Variants in ZGPAT observed in about 807,000 individuals in gnomAD.
The protein encoded by ZGPAT is zinc finger CCCH-type and G-patch domain containing.
A neutral mutation model predicts 47.9 loss-of-function variants in ZGPAT; 39 were observed. That is an observed-to-expected ratio of 0.81 (90% CI 0.63 to 1.06). The LOEUF is 1.06. Ranked by LOEUF, ZGPAT falls within the 50% of genes least tolerant of loss-of-function variation. The pLI, the probability that ZGPAT is intolerant of heterozygous loss-of-function variation, is 0.00. For missense variants in ZGPAT, 717 were observed against 681.4 expected, an observed-to-expected ratio of 1.05 and a Z score of -0.58; for synonymous variants, 348 against 292.9, an observed-to-expected ratio of 1.19 and a Z score of -1.92.
Position 63,709,305 on chromosome 20 carries a change from G to A in ZGPAT, c.584+141G>A, listed in dbSNP as rs960562861. ...GGCGTGCTTTGACAGCTGTGTCTGT[G>A]TTCAGGCGTCTACGTCTTCCTTCTG... On this transcript the variant is annotated intron_variant, in intron 2 of 6. Coordinates refer to ENST00000355969, the MANE Select transcript of ZGPAT (RefSeq NM_181485.3). 23 of 917,608 alleles carry A rather than the reference G, an allele frequency of 2.5e-5. No individual in the cohort carries two copies. In the African/African-American group the frequency reaches 3.4e-4, roughly 14 times the overall value. 56.8% of individuals were successfully genotyped at this position (917,608 alleles called of 1,614,324 possible).
chr20:63,726,608 C>T (rs967767017), intron 2 of ZGPAT, among the ~76,000 whole-genome samples: 5 of 152,040 alleles, frequency 3.3e-5, no homozygotes, highest in South Asian at 2.1e-4. Context: ...CTGCAACCTC[C>T]GCCTCCCAGG....
At chr20:63,733,048 ATGTGTGCG>A (rs1568801036) in intron 2 of ZGPAT, among the ~76,000 whole-genome samples, 163 bp from the exon 3 acceptor site, 3 of 150,290 alleles carry the variant, frequency 2.0e-5, no homozygotes, top group African/African-American at 7.4e-5. Flanking sequence ...GTGTGTGTGT[ATGTGTGCG>A]TGTGTATGTG....
Position 63,735,147 on chromosome 20 carries a change from G to C in ZGPAT, c.992-12G>C. ...CCGCAGCCACAGCACTGCCATCCCC[G>C]TGCCTCCGCAGGTTTGGGCCGACAC... On this transcript the variant is annotated splice_polypyrimidine_tract_variant and intron_variant, in intron 5 of 6. Coordinates refer to ENST00000355969, the MANE Select transcript of ZGPAT (RefSeq NM_181485.3). 6.7e-7 allele frequency: 1 copy of C among 1,503,512 alleles called. No individual in the cohort carries two copies. Among genetic ancestry groups the C allele is most frequent in the Non-Finnish European group, 8.9e-7 (1 of 1,127,370 alleles). 93.1% of individuals were successfully genotyped at this position (1,503,512 alleles called of 1,614,324 possible). A position where few individuals can be genotyped will look rare whatever the true frequency, so the allele number is the denominator to read the frequency against.
chr20:63,729,198 T>C (rs1262053231), intron 2 of ZGPAT, among the ~76,000 whole-genome samples: 1 of 152,056 alleles, frequency 6.6e-6, no homozygotes, highest in Non-Finnish European at 1.5e-5. Context: ...ACCGGCTCAT[T>C]TTTAAATTTT....
At chr20:63,735,020 A>G (rs1195890805) in intron 5 of ZGPAT, 139 bp from the exon 6 acceptor site, 15 of 1,276,724 alleles carry the variant, frequency 1.2e-5, no homozygotes, top group African/African-American at 1.6e-5. Flanking sequence ...TCAGATTCCC[A>G]GGGTCCTACG....
Position 63,714,056 on chromosome 20 carries a change from C to T in ZGPAT, c.584+4892C>T, listed in dbSNP as rs1040135124. On this transcript the variant is annotated intron_variant, in intron 2 of 6. Transcript: ENST00000355969. ...ATAGAGATAATTGTAGTCTTTGTTT[C>T]TAGTTTGCATGGCATTTATTTCTTT... Among the ~76,000 whole-genome samples the T allele has an allele frequency of 2.0e-5, 3 of 151,968 alleles. No individual in the cohort carries two copies. In the East Asian group the frequency reaches 5.8e-4, roughly 29 times the overall value.
intron 2 of ZGPAT, among the ~76,000 whole-genome samples, chr20:63,728,212 T>A (rs2427529): frequency 0.2 from 29,791 of 151,866 alleles, 3,801 homozygotes; most frequent in East Asian, 0.62. Context: ...AATTTTTTGT[T>A]TTTTTAGTGG....
At position 63,733,336 on chromosome 20, in the gene ZGPAT, C is replaced by A. The variant is rs140325582; in HGVS notation, c.702C>A (p.His234Gln). ...CCAAGCACCAGGATGGCCTCTGGCA[C>A]GCAGCACGCATCACCGGTGAGGCTG... ...CLAKHQDGLW[H>Q]AARITDVDNG... Residue 234 changes from histidine (H) to glutamine (Q), a missense_variant, in exon 3 of 7, where the codon CAC becomes CAA. By Grantham distance (24) the His-to-Gln change is conservative (BLOSUM62 0). Transcript: ENST00000355969. 3.7e-6 allele frequency: 6 copies of A among 1,612,084 alleles called. No homozygotes were observed. Among genetic ancestry groups the A allele is most frequent in the Non-Finnish European group, 3.4e-6 (4 of 1,179,814 alleles).
rs1413319083 is a variant in ZGPAT at position 63,708,972 on chromosome 20, G to A, written c.392G>A (p.Gly131Glu). The change falls in exon 2 of 7, where the codon GGG becomes GAG. Residue 131 changes from glycine (G) to glutamate (E), a missense_variant. Coordinates refer to ENST00000355969, the MANE Select transcript of ZGPAT (RefSeq NM_181485.3). ...EEGEDEEELS[G>E]TKVSAPYYSS... Reference sequence around the variant, plus strand: ...GGAGAGGACGAGGAAGAGCTGAGTGGGACAAAGGTGAGCGCGCCCTACTAC... The same window carrying A: ...GGAGAGGACGAGGAAGAGCTGAGTGAGACAAAGGTGAGCGCGCCCTACTAC... 1.9e-6 allele frequency: 3 copies of A among 1,613,500 alleles called. No individual in the cohort carries two copies. Among genetic ancestry groups the A allele is most frequent in the South Asian group, 2.2e-5 (2 of 91,082 alleles).
chr20:63,714,674 G>A (rs1302890314), intron 2 of ZGPAT, among the ~76,000 whole-genome samples: 1 of 151,684 alleles, frequency 6.6e-6, no homozygotes, highest in Non-Finnish European at 1.5e-5. Flanking sequence ...ATAGGGTCTT[G>A]TTCTGTCACC....
rs772808601 is a variant in ZGPAT, at chr20:63,708,747, C to T, written c.167C>T (p.Ser56Phe). ...LIELTEASLV[S>F]VRKSSLLAAL... ...GAGCTCACCGAGGCCAGCCTGGTGT[C>T]TGTCAGGAAGAGCAGCTTGTTGGCC... is the stretch of plus-strand genomic sequence containing the variant. Residue 56 changes from serine (S) to phenylalanine (F), a missense_variant, in exon 2 of 7, where the codon TCT (serine) becomes TTT (phenylalanine). By Grantham distance (155) the Ser-to-Phe change is radical (BLOSUM62 -2). Coordinates refer to ENST00000355969, the MANE Select transcript of ZGPAT (RefSeq NM_181485.3). 4 of 1,612,582 alleles carry T rather than the reference C, an allele frequency of 2.5e-6. No homozygotes were observed. Among genetic ancestry groups the T allele is most frequent in the Non-Finnish European group, 1.7e-6 (2 of 1,179,680 alleles).
At chr20:63,712,721 C>T (rs932126544) in intron 2 of ZGPAT, among the ~76,000 whole-genome samples, 4 of 152,110 alleles carry the variant, frequency 2.6e-5, no homozygotes, top group African/African-American at 9.7e-5. Flanking sequence ...CGTGGTGAAA[C>T]CCCGTCTCTA....
At chr20:63,715,496 C>T (rs2091718089) in intron 2 of ZGPAT, among the ~76,000 whole-genome samples, 1 of 152,120 alleles carries the variant, frequency 6.6e-6, no homozygotes, top group Non-Finnish European at 1.5e-5. Flanking sequence ...ACCTTGGCCT[C>T]CCGAAGTGCT....
At position 63,708,644 on chromosome 20, in the gene ZGPAT, C is replaced by A; in HGVS notation, c.64C>A (p.Leu22Met). 6.2e-7 allele frequency: 1 copy of A among 1,612,338 alleles called. No homozygotes were observed. Among genetic ancestry groups the A allele is most frequent in the Non-Finnish European group, 8.5e-7 (1 of 1,179,614 alleles). ...TYRAQLQQVE[L>M]ALGAGLDSSE... ...CCGTGCGCAGCTGCAGCAGGTGGAG[C>A]TGGCCTTGGGCGCCGGCCTGGATTC... Residue 22 changes from leucine to methionine, a missense_variant, in exon 2 of 7, where the codon CTG becomes ATG. Coordinates refer to ENST00000355969, the MANE Select transcript of ZGPAT (RefSeq NM_181485.3).
intron 4 of ZGPAT, chr20:63,734,044 C>A (rs2091950392): frequency 2.6e-6 from 1 of 382,394 alleles, no homozygotes; most frequent in Non-Finnish European, 4.8e-6. Context: ...ACTGATGGGG[C>A]CTGGAGTGCA....
chr20:63,718,069 C>T (rs1267159766), intron 2 of ZGPAT, among the ~76,000 whole-genome samples: 2 of 151,826 alleles, frequency 1.3e-5, no homozygotes. Context: ...AAAGTTTTTG[C>T]AGAGACAGGG....
In ZGPAT at chr20:63,717,332, CTTTTTTTTTTTTT is replaced by C. The variant is rs1173734420; in HGVS notation, c.584+8181_584+8193del. Among the ~76,000 whole-genome samples, 486 of 61,034 alleles carry C rather than the reference CTTTTTTTTTTTTT, an allele frequency of 8.0e-3. 3 individuals carry two copies. Among genetic ancestry groups the C allele is most frequent in the Admixed American group, 0.02 (78 of 3,858 alleles). 40.0% of individuals were successfully genotyped at this position (61,034 alleles called of 152,430 possible). A position where few individuals can be genotyped will look rare whatever the true frequency, so the allele number is the denominator to read the frequency against. ...TGATTTGAGATCTCTTTTTTCTTTTCTTTTTTTTTTTTTTTTTTTTTTTTTGGTTGCTGTTGAG... is the reference window on the plus strand; with the variant it reads ...TGATTTGAGATCTCTTTTTTCTTTTCTTTTTTTTTTTTGGTTGCTGTTGAG... On this transcript the variant is annotated intron_variant, in intron 2 of 6. Coordinates refer to ENST00000355969, the MANE Select transcript of ZGPAT (RefSeq NM_181485.3).
At chr20:63,721,246 G>T (rs926543803) in intron 2 of ZGPAT, among the ~76,000 whole-genome samples, 1 of 152,044 alleles carries the variant, frequency 6.6e-6, no homozygotes, top group Non-Finnish European at 1.5e-5. Context: ...CAGCTACTGG[G>T]AAGACTGAGG....
intron 2 of ZGPAT, among the ~76,000 whole-genome samples, chr20:63,712,154 T>G (rs2091675916): frequency 6.6e-6 from 1 of 152,224 alleles, no homozygotes; most frequent in South Asian, 2.1e-4. Context: ...ATTTAGGTCT[T>G]TGATCCATTT....
Sources: gnomAD v4.1 joint callset for allele counts (sites outside exome capture counted in the v4.1 genomes callset) on GRCh38, gnomAD v4.1.1 for gene constraint, MANE v1.5 for transcripts, NCBI Gene and HGNC (gene_info 2026-07-23, HGNC 2026-07-21) for gene names.